UNC13C: variants seen among roughly 807,000 people sequenced by gnomAD.
The protein encoded by UNC13C is unc-13 homolog C, also known as protein unc-13 homolog C.
UNC13C carries 174 observed loss-of-function variants against 245.4 expected under a neutral mutation model. That is an observed-to-expected ratio of 0.71 (90% CI 0.63 to 0.80). The LOEUF is 0.80. UNC13C is among the 30% of genes least tolerant of loss of function. The pLI is 0.00. For missense variants in UNC13C, 2,829 were observed against 2,602.9 expected (o/e 1.09, Z -1.89); for synonymous variants, 992 against 895.1 (o/e 1.11, Z -1.93).
intron 11 of UNC13C, among the ~76,000 whole-genome samples, chr15:54,296,175 G>A (rs1034910490): frequency 3.3e-5 from 5 of 151,902 alleles, no homozygotes; most frequent in Admixed American, 1.3e-4. Flanking sequence ...CATTTCTCTT[G>A]GCCCCAGCAG....
the UNC13C span, among the ~76,000 whole-genome samples, chr15:53,932,036 C>A: frequency 6.6e-6 from 1 of 151,966 alleles, no homozygotes; most frequent in Non-Finnish European, 1.5e-5. Flanking sequence ...TAAGTCCGGG[C>A]ACAGTGGCTC....
At chr15:54,067,718 C>G (rs754757966) in intron 2 of UNC13C, among the ~76,000 whole-genome samples, 1 of 152,176 alleles carries the variant, frequency 6.6e-6, no homozygotes, top group Non-Finnish European at 1.5e-5. Flanking sequence ...TTCAGACTTA[C>G]GTCATTAGCC....
chr15:53,959,132 T>C, the UNC13C span, among the ~76,000 whole-genome samples: 1 of 152,188 alleles, frequency 6.6e-6, no homozygotes, highest in Non-Finnish European at 1.5e-5. Context: ...GATTTCATTC[T>C]TTTTTATGGC....
At chr15:53,873,373 A>G in the UNC13C span, among the ~76,000 whole-genome samples, 3 of 152,066 alleles carry the variant, frequency 2.0e-5, no homozygotes, top group African/African-American at 7.2e-5. Flanking sequence ...TTGCTCCTGG[A>G]GTATGCCTCT....
intron 17 of UNC13C, among the ~76,000 whole-genome samples, chr15:54,371,743 A>G (rs2039491707): frequency 6.6e-6 from 1 of 151,728 alleles, no homozygotes; most frequent in Admixed American, 6.6e-5. Context: ...CACACATACC[A>G]GTGGAATACT....
chr15:54,254,409 G>A (rs2036227723), intron 8 of UNC13C, among the ~76,000 whole-genome samples: 1 of 152,164 alleles, frequency 6.6e-6, no homozygotes. Context: ...TACAATATAT[G>A]TTTAAGTAAT....
At chr15:54,267,775 T>C (rs1406782585) in intron 10 of UNC13C, among the ~76,000 whole-genome samples, 1 of 151,976 alleles carries the variant, frequency 6.6e-6, no homozygotes, top group Non-Finnish European at 1.5e-5. Flanking sequence ...TTAGGGTTTG[T>C]TTAGCTGTTT....
chr15:54,622,427 T>G lies in UNC13C; in HGVS notation c.6199+8T>G, dbSNP rs750863481. ...ATAAAGTCACTGTAAAAGGTATACT[T>G]CTGGTCTAGATAAATCAAAACAGCC... On this transcript the variant is annotated splice_region_variant and intron_variant, in intron 31 of 32. Coordinates refer to ENST00000260323, the MANE Select transcript of UNC13C (RefSeq NM_001080534.3). The G allele has an allele frequency of 4.4e-6, 7 of 1,603,852 alleles. No homozygotes were observed. The South Asian group carries it at 7.7e-5, about 18-fold the overall frequency.
At chr15:54,403,282 G>A (rs887594336) in intron 18 of UNC13C, among the ~76,000 whole-genome samples, 2 of 152,028 alleles carry the variant, frequency 1.3e-5, no homozygotes, top group Non-Finnish European at 2.9e-5. Flanking sequence ...GGCTCATGCT[G>A]GTATGCCTAG....
rs1282618271 is a variant in UNC13C, at chr15:54,358,597, C to A, written c.4713+20108C>A. The stretch of plus-strand genomic sequence containing the variant: ...TAACTATTATACATTGGATTACATT[C>A]TTGATTTGAGATAGTCTGTAATTGG... On this transcript the variant is annotated intron_variant, in intron 17 of 32. Coordinates refer to ENST00000260323, the MANE Select transcript of UNC13C (RefSeq NM_001080534.3). Among the ~76,000 whole-genome samples, 8 of 107,316 alleles carry A rather than the reference C, an allele frequency of 7.5e-5. No homozygotes were observed. In the South Asian group the frequency reaches 2.5e-3, roughly 33 times the overall value. The allele number at this position is 107,316 out of a possible 152,430, so 70.4% of individuals were successfully genotyped here. A position where few individuals can be genotyped will look rare whatever the true frequency, so the allele number is the denominator to read the frequency against.
Position 54,622,649 on chromosome 15 carries a change from A to AACTT in UNC13C, c.6199+235_6199+238dup, listed in dbSNP as rs373617322. On this transcript the variant is annotated intron_variant, in intron 31 of 32. Transcript: ENST00000260323. ...TATAAATACACTGATTAAATATCCA[A>AACTT]ACTTACTTTATCAGATATTTATTTT... is the stretch of plus-strand genomic sequence containing the variant. 1.1e-4 allele frequency among the ~76,000 whole-genome samples: 17 copies of AACTT among 152,294 alleles called. No individual in the cohort carries two copies. In the East Asian group the frequency reaches 3.3e-3, roughly 29 times the overall value.
At chr15:54,379,692 T>C (rs1325493310) in intron 17 of UNC13C, among the ~76,000 whole-genome samples, 1 of 152,144 alleles carries the variant, frequency 6.6e-6, no homozygotes, top group Admixed American at 6.6e-5. Flanking sequence ...TACATGGTTC[T>C]GATGGAGAAG....
At chr15:54,241,345 A>T (rs116423126) in intron 7 of UNC13C, among the ~76,000 whole-genome samples, 3 of 152,078 alleles carry the variant, frequency 2.0e-5, no homozygotes, top group African/African-American at 7.3e-5. Flanking sequence ...CCGGAGCCCT[A>T]TTTCTAGTAT....
chr15:54,474,453 G>T (rs1892619455), intron 19 of UNC13C, among the ~76,000 whole-genome samples: 1 of 145,056 alleles, frequency 6.9e-6, no homozygotes, highest in Middle Eastern at 3.2e-3. Context: ...TCATATACCA[G>T]TTGGACATTT....
intron 25 of UNC13C, among the ~76,000 whole-genome samples, chr15:54,529,373 TATATGGAAAACCAA>T (rs1336652802): frequency 1.3e-5 from 2 of 152,198 alleles, no homozygotes; most frequent in South Asian, 2.1e-4. Context: ...TGGAAATATG[TATATGGAAAACCAA>T]ATATGGAAAA....
Position 54,352,554 on chromosome 15 carries a change from G to A in UNC13C, c.4713+14065G>A, listed in dbSNP as rs529827258. Among the ~76,000 whole-genome samples, 79 of 151,646 alleles carry A rather than the reference G, an allele frequency of 5.2e-4. 1 individual carries two copies. The South Asian group carries it at 7.5e-3, about 14-fold the overall frequency. ...ATGTTTCTTCTAAAGTTCCTGATTC[G>A]TCAGAACAGTGTCAAACAGAAGGCA... On this transcript the variant is annotated intron_variant, in intron 17 of 32. Transcript: ENST00000260323.
intron 2 of UNC13C, among the ~76,000 whole-genome samples, chr15:54,086,737 C>CTTTCTTTTTTTTTTT (rs1899260990): frequency 1.1e-5 from 1 of 92,012 alleles, no homozygotes; most frequent in African/African-American, 3.7e-5. Context: ...TATTTTCTTT[C>CTTTCTTTTTTTTTTT]TTTTTTTTTT....
chr15:53,888,262 G>T, the UNC13C span, among the ~76,000 whole-genome samples: 2 of 152,090 alleles, frequency 1.3e-5, no homozygotes, highest in Non-Finnish European at 2.9e-5. Context: ...GGCGTGAGAT[G>T]GTATCTCATT....
intron 2 of UNC13C, among the ~76,000 whole-genome samples, chr15:54,041,182 T>C (rs1896793227): frequency 6.6e-6 from 1 of 152,198 alleles, no homozygotes. Context: ...TGGTAGTATA[T>C]ATAAAACTTT....
Sources: allele counts gnomAD v4.1 joint callset (sites outside exome capture counted in the v4.1 genomes callset), GRCh38; gene constraint gnomAD v4.1.1; transcripts MANE v1.5; gene names NCBI Gene and HGNC (gene_info 2026-07-23, HGNC 2026-07-21).